The following GPC6 variants were observed in gnomAD, a reference collection of about 807,000 sequenced individuals.
GPC6 encodes the protein glypican-6.
In GPC6, 14 loss-of-function variants were observed where a neutral mutation model predicts 55.2. That is an observed-to-expected ratio of 0.25 (90% CI 0.17 to 0.40). The LOEUF is 0.40. Ranked by LOEUF, GPC6 falls within the 10% of genes least tolerant of loss-of-function variation. GPC6 has a pLI of 1.00. For missense variants in GPC6, 641 were observed against 708.5 expected (o/e 0.90, Z 1.08); for synonymous variants, 278 against 259.6 (o/e 1.07, Z -0.68).
intron 2 of GPC6, among the ~76,000 whole-genome samples, chr13:93,674,649 T>C (rs955698287): frequency 2.0e-5 from 3 of 152,226 alleles, no homozygotes; most frequent in African/African-American, 7.2e-5. Context: ...TCTGTTTGAT[T>C]ATTCTATTAT....
intron 7 of GPC6, among the ~76,000 whole-genome samples, chr13:94,393,482 T>C (rs567894991): frequency 1.6e-4 from 24 of 152,328 alleles, no homozygotes; most frequent in Admixed American, 1.4e-3. Flanking sequence ...TTAACATGAA[T>C]GAATAGGTAG....
At chr13:93,736,692 T>A (rs906576514) in intron 2 of GPC6, among the ~76,000 whole-genome samples, 3 of 152,226 alleles carry the variant, frequency 2.0e-5, no homozygotes, top group African/African-American at 7.2e-5. Context: ...ATAAATTTGA[T>A]GTATTTACCA....
In GPC6 at chr13:93,793,994, C is replaced by T. The variant is rs190721510; in HGVS notation, c.320-36160C>T. Among the ~76,000 whole-genome samples the T allele has an allele frequency of 5.7e-3, 872 of 152,172 alleles. 7 individuals are homozygous for T. The highest frequency in any genetic ancestry group is 0.019 in the African/African-American group (800 of 41,516). ...TTAAACATTTTCCATGGATCATGCC[C>T]GTGTTTGTGCTTTGCTTTGACATAG... On this transcript the variant is annotated intron_variant, in intron 2 of 8. Transcript: ENST00000377047.
intron 3 of GPC6, among the ~76,000 whole-genome samples, chr13:93,863,245 A>T (rs1481214898): frequency 6.6e-6 from 1 of 151,672 alleles, no homozygotes; most frequent in Non-Finnish European, 1.5e-5. Flanking sequence ...ATTTTATTTG[A>T]ACACAGTCAC....
intron 3 of GPC6, among the ~76,000 whole-genome samples, chr13:93,976,748 C>A (rs1471600505): frequency 6.6e-6 from 1 of 151,794 alleles, no homozygotes; most frequent in African/African-American, 2.4e-5. Context: ...CTCAAGTACT[C>A]TTAGGCAGCT....
intron 3 of GPC6, chr13:93,835,930 A>G (rs551805254): frequency 6.6e-6 from 1 of 152,278 alleles, no homozygotes; most frequent in African/African-American, 2.4e-5. Flanking sequence ...ATTGACAAAT[A>G]CTGTCAACTA....
At chr13:93,458,808 A>G (rs1878569557) in intron 1 of GPC6, among the ~76,000 whole-genome samples, 1 of 152,158 alleles carries the variant, frequency 6.6e-6, no homozygotes, top group African/African-American at 2.4e-5. Flanking sequence ...TGAAAACAAT[A>G]TATTTTATGT....
Position 94,255,197 on chromosome 13 carries a change from C to T in GPC6, c.878-31152C>T, listed in dbSNP as rs958679133. Among the ~76,000 whole-genome samples, 11 of 152,268 alleles carry T rather than the reference C, an allele frequency of 7.2e-5. No homozygotes were observed. The South Asian group carries it at 1.2e-3, about 17-fold the overall frequency. On this transcript the variant is annotated intron_variant, in intron 4 of 8. Transcript: ENST00000377047. ...TAGTGCAAAACTAAGACTGGCTAGG[C>T]GTTTACAACGCAGTGGAGGAAAGGA...
At chr13:93,563,324 A>G (rs916876290) in intron 2 of GPC6, among the ~76,000 whole-genome samples, 15 of 152,188 alleles carry the variant, frequency 9.9e-5, no homozygotes, top group African/African-American at 3.6e-4. Flanking sequence ...TTTGGGAGAT[A>G]TAGCCACCAA....
At chr13:93,842,514 C>T (rs1887991052) in intron 3 of GPC6, among the ~76,000 whole-genome samples, 1 of 151,966 alleles carries the variant, frequency 6.6e-6, no homozygotes, top group African/African-American at 2.4e-5. Context: ...AGTACTTTCC[C>T]AACAATGGTC....
chr13:94,034,246 AAG>A (rs1491147775), intron 4 of GPC6, among the ~76,000 whole-genome samples: 81 of 151,530 alleles, frequency 5.3e-4, no homozygotes, highest in Admixed American at 8.6e-4. Flanking sequence ...GGAAGGAAGG[AAG>A]GAAAGAAAGA....
At chr13:93,439,105 T>G (rs961146653) in intron 1 of GPC6, among the ~76,000 whole-genome samples, 1 of 152,196 alleles carries the variant, frequency 6.6e-6, no homozygotes, top group Non-Finnish European at 1.5e-5. Context: ...TATTGCACAT[T>G]TAATGGACTA....
intron 3 of GPC6, among the ~76,000 whole-genome samples, chr13:93,907,298 A>C (rs980679499): frequency 6.6e-6 from 1 of 152,144 alleles, no homozygotes; most frequent in Non-Finnish European, 1.5e-5. Context: ...CTGACTTAGC[A>C]ATCTTGATGA....
intron 3 of GPC6, among the ~76,000 whole-genome samples, chr13:93,971,681 A>T (rs901660594): frequency 1.3e-5 from 2 of 152,200 alleles, no homozygotes; most frequent in Admixed American, 1.3e-4. Context: ...AATTACTGCA[A>T]CTCAGAAGGA....
At chr13:94,373,255 C>T (rs1879672158) in intron 6 of GPC6, among the ~76,000 whole-genome samples, 1 of 151,780 alleles carries the variant, frequency 6.6e-6, no homozygotes, top group South Asian at 2.1e-4. Context: ...TTCAGACGAT[C>T]AAATTACTCT....
intron 4 of GPC6, among the ~76,000 whole-genome samples, chr13:94,203,221 G>T (rs1889808407): frequency 1.3e-5 from 2 of 150,154 alleles, no homozygotes; most frequent in Non-Finnish European, 1.5e-5. Context: ...CTCAAAGTAG[G>T]GCCTATATTT....
chr13:93,322,473 G>A (rs535470612), intron 1 of GPC6, among the ~76,000 whole-genome samples: 11 of 82,520 alleles, frequency 1.3e-4, no homozygotes, highest in East Asian at 8.3e-4. Flanking sequence ...TTTCGCTCTT[G>A]TTGCCCAGGC....
At chr13:94,112,291 A>T (rs1733770368) in intron 4 of GPC6, among the ~76,000 whole-genome samples, 1 of 152,174 alleles carries the variant, frequency 6.6e-6, no homozygotes, top group South Asian at 2.1e-4. Context: ...ATTCACAAAA[A>T]TATATTGTTA....
intron 4 of GPC6, among the ~76,000 whole-genome samples, chr13:94,142,131 T>C (rs2138881851): frequency 6.6e-6 from 1 of 152,322 alleles, no homozygotes; most frequent in East Asian, 1.9e-4. Context: ...GGTGGGAATT[T>C]AGAATCTGTC....
Sources: gnomAD v4.1 joint callset for allele counts (sites outside exome capture counted in the v4.1 genomes callset) on GRCh38, gnomAD v4.1.1 for gene constraint, MANE v1.5 for transcripts, NCBI Gene and HGNC (gene_info 2026-07-23, HGNC 2026-07-21) for gene names.